Variants in PCDH15 observed in about 807,000 individuals in gnomAD.
PCDH15 encodes protocadherin related 15.
PCDH15 carries 129 observed loss-of-function variants against 178.5 expected under a neutral mutation model. The ratio of observed to expected loss-of-function variants is 0.72; its 90% CI spans 0.63 to 0.84. The LOEUF (loss-of-function observed/expected upper bound fraction) is 0.84. Ranked by LOEUF, PCDH15 falls within the 40% of genes least tolerant of loss-of-function variation. PCDH15 has a pLI of 0.00. For synonymous variants in PCDH15, 800 were observed against 732.0 expected (o/e 1.09, Z -1.50); for missense variants, 2,230 against 2,099.9 (o/e 1.06, Z -1.21).
At chr10:54,764,322 T>C (rs1168148373) in intron 1 of PCDH15, among the ~76,000 whole-genome samples, 1 of 152,028 alleles carries the variant, frequency 6.6e-6, no homozygotes, top group African/African-American at 2.4e-5. Context: ...CACTGGCATG[T>C]TTTTTCATCT....
chr10:53,827,351 A>T lies in PCDH15; in HGVS notation c.4367+42T>A, dbSNP rs370613480. 13 of 1,567,480 alleles carry T rather than the reference A, an allele frequency of 8.3e-6. No individual in the cohort carries two copies. The African/African-American group carries it at 1.5e-4, about 18-fold the overall frequency. On this transcript the variant is annotated intron_variant, in intron 32 of 37. Transcript: ENST00000644397. Reference sequence around the variant, plus strand: ...AAATACTCACCACACAGAATTCAGTAAAACCCAACTACTTCTCAGAGTTCC... The same window carrying T: ...AAATACTCACCACACAGAATTCAGTTAAACCCAACTACTTCTCAGAGTTCC...
chr10:54,101,038 T>C (rs2094802400), intron 15 of PCDH15, among the ~76,000 whole-genome samples: 1 of 152,176 alleles, frequency 6.6e-6, no homozygotes, highest in Non-Finnish European at 1.5e-5. Context: ...ATCTCGTCTT[T>C]AATTCCCACG....
chr10:55,232,619 C>T (rs1841258776), intron 1 of PCDH15, among the ~76,000 whole-genome samples: 1 of 152,022 alleles, frequency 6.6e-6, no homozygotes, highest in Admixed American at 6.6e-5. Context: ...TATTAAGTTG[C>T]AGAAAGTTTG....
intron 13 of PCDH15, 130 bp downstream of exon 13, chr10:54,183,314 A>T: frequency 1.1e-6 from 1 of 937,822 alleles, no homozygotes; most frequent in Non-Finnish European, 1.7e-6. Flanking sequence ...AAAGCTATTT[A>T]AACTAATTAT....
chr10:53,838,636 A>G (rs1379227236), intron 29 of PCDH15, among the ~76,000 whole-genome samples: 1 of 152,250 alleles, frequency 6.6e-6, no homozygotes, highest in African/African-American at 2.4e-5. Flanking sequence ...TGCAAAAAAC[A>G]CAGAATGCAG....
chr10:54,370,524 ATCT>A (rs1350273479), intron 4 of PCDH15, among the ~76,000 whole-genome samples: 2 of 151,882 alleles, frequency 1.3e-5, no homozygotes, highest in African/African-American at 4.8e-5. Context: ...AAGACAGATG[ATCT>A]GGAGTCAAAC....
At chr10:55,298,754 C>A (rs1381391030) in intron 1 of PCDH15, among the ~76,000 whole-genome samples, 2 of 151,930 alleles carry the variant, frequency 1.3e-5, no homozygotes, top group South Asian at 2.1e-4. Flanking sequence ...CGAATTTTTT[C>A]TTTTTAGTAG....
At chr10:54,989,605 C>T (rs914667538) in intron 2 of PCDH15, among the ~76,000 whole-genome samples, 3 of 152,210 alleles carry the variant, frequency 2.0e-5, no homozygotes, top group African/African-American at 7.2e-5. Context: ...GGGCCTGTAG[C>T]CCCTTTGTTT....
chr10:55,319,399 T>C (rs952382593), intron 1 of PCDH15, among the ~76,000 whole-genome samples: 1 of 152,082 alleles, frequency 6.6e-6, no homozygotes, highest in Admixed American at 6.6e-5. Flanking sequence ...ATTAAACAAA[T>C]ATAAAACATA....
intron 1 of PCDH15, among the ~76,000 whole-genome samples, chr10:54,713,220 C>T (rs113327905): frequency 0.034 from 4,309 of 125,764 alleles, 172 homozygotes; most frequent in African/African-American, 0.097. Context: ...CACACACACA[C>T]ACACATACAC....
intron 2 of PCDH15, among the ~76,000 whole-genome samples, chr10:54,971,265 G>A (rs1838923555): frequency 6.6e-6 from 1 of 152,130 alleles, no homozygotes; most frequent in African/African-American, 2.4e-5. Context: ...TAGGTTATGA[G>A]AGCAAGCCAT....
chr10:55,437,911 C>T (rs1839084546), intron 2 of PCDH15, among the ~76,000 whole-genome samples: 1 of 144,136 alleles, frequency 6.9e-6, no homozygotes, highest in East Asian at 2.1e-4. Context: ...GATCTCGGCT[C>T]ACCGCAACCT....
At chr10:54,490,503 AAAAT>A (rs1334119983) in intron 3 of PCDH15, among the ~76,000 whole-genome samples, 17 of 151,856 alleles carry the variant, frequency 1.1e-4, no homozygotes, top group Middle Eastern at 6.8e-3. Flanking sequence ...TAATGTCTCA[AAAAT>A]AAATAATTTT....
At chr10:53,879,805 A>T (rs1402385003) in intron 26 of PCDH15, among the ~76,000 whole-genome samples, 1 of 152,148 alleles carries the variant, frequency 6.6e-6, no homozygotes, top group Non-Finnish European at 1.5e-5. Flanking sequence ...AGGTTTTGCC[A>T]TGTTGGCCAG....
At chr10:54,088,575 C>G (rs940414672) in intron 16 of PCDH15, among the ~76,000 whole-genome samples, 3 of 152,038 alleles carry the variant, frequency 2.0e-5, no homozygotes, top group East Asian at 1.9e-4. Flanking sequence ...TCAATTTTAT[C>G]GTTAATCTTT....
chr10:54,335,735 CG>C (rs1564999678), intron 6 of PCDH15, among the ~76,000 whole-genome samples: 3 of 152,018 alleles, frequency 2.0e-5, no homozygotes, highest in African/African-American at 7.2e-5. Flanking sequence ...CCCAGTCTCA[CG>C]TATGTCTTTA....
chr10:55,147,651 CTT>C (rs11475560), intron 2 of PCDH15, among the ~76,000 whole-genome samples: 6 of 105,932 alleles, frequency 5.7e-5, no homozygotes, highest in African/African-American at 1.6e-4. Context: ...TTTCCTCTTC[CTT>C]TTTTTTTTAA....
chr10:55,286,520 T>C (rs909299846), intron 1 of PCDH15, among the ~76,000 whole-genome samples: 1 of 151,712 alleles, frequency 6.6e-6, no homozygotes, highest in Non-Finnish European at 1.5e-5. Flanking sequence ...TTTTGGTCTA[T>C]GTAATTTCTT....
At chr10:54,654,528 G>C (rs2094333704) in intron 2 of PCDH15, among the ~76,000 whole-genome samples, 1 of 152,170 alleles carries the variant, frequency 6.6e-6, no homozygotes, top group South Asian at 2.1e-4. Flanking sequence ...AAGCCATAGA[G>C]AGTGCACTTT....
Sources: gnomAD v4.1 joint callset for allele counts (sites outside exome capture counted in the v4.1 genomes callset) on GRCh38, gnomAD v4.1.1 for gene constraint, MANE v1.5 for transcripts, NCBI Gene and HGNC (gene_info 2026-07-23, HGNC 2026-07-21) for gene names.